The following CSMD1 variants were observed in gnomAD, a reference collection of about 807,000 sequenced individuals.
CSMD1 encodes the protein CUB and Sushi multiple domains 1.
A neutral mutation model predicts 417.5 loss-of-function variants in CSMD1; 213 were observed. The ratio of observed to expected loss-of-function variants is 0.51; its 90% CI spans 0.46 to 0.57. The LOEUF is 0.57. CSMD1 is among the 20% of genes least tolerant of loss of function. The pLI is 0.00. For synonymous variants in CSMD1, 2,862 were observed against 1,736.8 expected (o/e 1.65, Z -16.11); for missense variants, 6,923 against 4,529.7 (o/e 1.53, Z -15.17).
chr8:4,442,361 G>C (rs17070309), intron 2 of CSMD1, among the ~76,000 whole-genome samples: 2 of 151,942 alleles, frequency 1.3e-5, no homozygotes, highest in Admixed American at 1.3e-4. Context: ...ATTCCCACAC[G>C]TTTGCCTAGA....
chr8:3,611,577 T>C (rs1801896353), intron 8 of CSMD1, among the ~76,000 whole-genome samples: 1 of 152,154 alleles, frequency 6.6e-6, no homozygotes, highest in Non-Finnish European at 1.5e-5. Context: ...CTAATTTTCA[T>C]TAGTAATAAA....
Position 4,098,923 on chromosome 8 carries a change from G to C in CSMD1, c.416-66824C>G, listed in dbSNP as rs1801162172. Among the ~76,000 whole-genome samples the C allele has an allele frequency of 3.3e-5, 5 of 152,234 alleles. No individual in the cohort carries two copies. The South Asian group carries it at 1.0e-3, about 32-fold the overall frequency. On this transcript the variant is annotated intron_variant, in intron 3 of 69. Transcript: ENST00000635120. Reference sequence around the variant, plus strand: ...TGGGTTAGAACCAGTATTAGAGACTGGGGTACAACACAGAAAAAATGTTAA... The same window carrying C: ...TGGGTTAGAACCAGTATTAGAGACTCGGGTACAACACAGAAAAAATGTTAA...
At chr8:3,995,407 T>C (rs546567377) in intron 5 of CSMD1, among the ~76,000 whole-genome samples, 26 of 152,332 alleles carry the variant, frequency 1.7e-4, no homozygotes, top group African/African-American at 5.3e-4. Flanking sequence ...CCACGACATA[T>C]GCTAAATTGC....
chr8:4,861,115 T>C (rs1266960852), intron 1 of CSMD1, among the ~76,000 whole-genome samples: 1 of 152,174 alleles, frequency 6.6e-6, no homozygotes, highest in African/African-American at 2.4e-5. Flanking sequence ...AAATGTTTCT[T>C]GAATTTAGTA....
chr8:3,089,515 C>T, intron 48 of CSMD1, among the ~76,000 whole-genome samples: 1 of 152,138 alleles, frequency 6.6e-6, no homozygotes, highest in East Asian at 1.9e-4. Context: ...AGTTTACGTG[C>T]ATAGGGCAAA....
intron 8 of CSMD1, among the ~76,000 whole-genome samples, chr8:3,604,555 C>A (rs1020499273): frequency 2.0e-5 from 3 of 152,120 alleles, no homozygotes; most frequent in Admixed American, 1.3e-4. Context: ...GTGTATGCAT[C>A]TGCTCTAACT....
chr8:4,139,847 T>G (rs1193837453), intron 3 of CSMD1, among the ~76,000 whole-genome samples: 1 of 150,774 alleles, frequency 6.6e-6, no homozygotes. Context: ...AAGAACAAAG[T>G]GATCAGATGG....
chr8:4,085,928 G>T (rs1417121628), intron 3 of CSMD1, among the ~76,000 whole-genome samples: 1 of 151,980 alleles, frequency 6.6e-6, no homozygotes, highest in Non-Finnish European at 1.5e-5. Context: ...GATGGAAGGG[G>T]GCTCTGTATT....
At chr8:4,595,726 AC>A (rs1435615338) in intron 2 of CSMD1, among the ~76,000 whole-genome samples, 2 of 152,100 alleles carry the variant, frequency 1.3e-5, no homozygotes, top group African/African-American at 2.4e-5. Flanking sequence ...ACATAGGTAG[AC>A]TTTGTTTCTA....
intron 10 of CSMD1, among the ~76,000 whole-genome samples, chr8:3,538,856 C>T (rs1392186283): frequency 6.6e-6 from 1 of 152,132 alleles, no homozygotes; most frequent in Non-Finnish European, 1.5e-5. Context: ...TGCGGTCTTC[C>T]TAAGTGTTCC....
intron 1 of CSMD1, among the ~76,000 whole-genome samples, chr8:4,930,766 A>T (rs1292963110): frequency 6.6e-6 from 1 of 152,172 alleles, no homozygotes; most frequent in Non-Finnish European, 1.5e-5. Context: ...GAAAGTGTTA[A>T]AGTACATAAA....
intron 55 of CSMD1, 32 bp from the exon 56 acceptor site, chr8:2,974,656 T>G: frequency 1.3e-6 from 2 of 1,498,178 alleles, no homozygotes; most frequent in Non-Finnish European, 1.8e-6. Flanking sequence ...ATTGAGTACA[T>G]CCTTCCAGTT....
chr8:4,506,271 A>C (rs1802521029), intron 2 of CSMD1, among the ~76,000 whole-genome samples: 1 of 152,148 alleles, frequency 6.6e-6, no homozygotes, highest in South Asian at 2.1e-4. Context: ...CCAGGAACAG[A>C]CGGATTCATG....
intron 3 of CSMD1, among the ~76,000 whole-genome samples, chr8:4,312,423 G>GCATATATATA (rs1563435226): frequency 2.9e-5 from 3 of 105,128 alleles, no homozygotes; most frequent in African/African-American, 2.3e-4. Flanking sequence ...ATATATATGC[G>GCATATATATA]CGTATATATA....
intron 6 of CSMD1, among the ~76,000 whole-genome samples, chr8:3,716,378 C>T (rs551480658): frequency 6.6e-6 from 1 of 152,100 alleles, no homozygotes; most frequent in East Asian, 1.9e-4. Flanking sequence ...TCTTGAAGGC[C>T]GCTGGTTGCC....
chr8:4,288,840 A>C (rs535418399), intron 3 of CSMD1, among the ~76,000 whole-genome samples: 1 of 152,220 alleles, frequency 6.6e-6, no homozygotes, highest in Non-Finnish European at 1.5e-5. Flanking sequence ...TAAAGCACTA[A>C]TATAGGATAC....
chr8:3,000,227 A>G, intron 52 of CSMD1, 96 bp from the exon 53 acceptor site: 1 of 696,056 alleles, frequency 1.4e-6, no homozygotes, highest in Middle Eastern at 2.9e-4. Flanking sequence ...AACAGTATTG[A>G]AGGCGCAACA....
intron 12 of CSMD1, among the ~76,000 whole-genome samples, chr8:3,464,104 C>T (rs1004644063): frequency 7.2e-5 from 11 of 152,168 alleles, no homozygotes; most frequent in Non-Finnish European, 1.6e-4. Flanking sequence ...GGAAACAGTT[C>T]CTTTAATTCA....
At chr8:3,089,519 G>C (rs964558055) in intron 48 of CSMD1, among the ~76,000 whole-genome samples, 1 of 152,150 alleles carries the variant, frequency 6.6e-6, no homozygotes, top group Non-Finnish European at 1.5e-5. Context: ...TACGTGCATA[G>C]GGCAAATACA....
Sources: allele counts gnomAD v4.1 joint callset (sites outside exome capture counted in the v4.1 genomes callset), GRCh38; gene constraint gnomAD v4.1.1; transcripts MANE v1.5; gene names NCBI Gene and HGNC (gene_info 2026-07-23, HGNC 2026-07-21).